PLCB4: variants seen among roughly 807,000 people sequenced by gnomAD.
The protein encoded by PLCB4 is 1-phosphatidylinositol 4,5-bisphosphate phosphodiesterase beta-4.
A neutral mutation model predicts 178.8 loss-of-function variants in PLCB4; 77 were observed. The ratio of observed to expected loss-of-function variants is 0.43; its 90% CI spans 0.36 to 0.52. The LOEUF (loss-of-function observed/expected upper bound fraction) is 0.52. PLCB4 is among the 20% of genes least tolerant of loss of function. The pLI, the probability that PLCB4 is intolerant of heterozygous loss-of-function variation, is 0.00. For synonymous variants in PLCB4, 496 were observed against 490.8 expected (o/e 1.01, Z -0.14); for missense variants, 1,024 against 1,453.4 (o/e 0.70, Z 4.80).
chr20:9,375,154 C>A (rs2036565801), intron 12 of PLCB4, among the ~76,000 whole-genome samples: 1 of 152,132 alleles, frequency 6.6e-6, no homozygotes, highest in African/African-American at 2.4e-5. Flanking sequence ...TAGACAAAAA[C>A]ATGAATGTCG....
At chr20:9,103,102 G>C (rs1004963927) in intron 2 of PLCB4, among the ~76,000 whole-genome samples, 1 of 148,656 alleles carries the variant, frequency 6.7e-6, no homozygotes, top group African/African-American at 2.5e-5. Flanking sequence ...TCGGCTCACT[G>C]CAAGCTCCAC....
At chr20:9,397,408 T>C (rs1417415193) in intron 19 of PLCB4, among the ~76,000 whole-genome samples, 2 of 152,198 alleles carry the variant, frequency 1.3e-5, no homozygotes, top group Non-Finnish European at 2.9e-5. Context: ...TCTCCCAAAC[T>C]CCTATGAACG....
At chr20:9,249,405 T>C (rs2094157108) in intron 3 of PLCB4, among the ~76,000 whole-genome samples, 1 of 152,156 alleles carries the variant, frequency 6.6e-6, no homozygotes, top group Admixed American at 6.5e-5. Flanking sequence ...ACTCCTGGGC[T>C]CAAGGGATCT....
intron 4 of PLCB4, among the ~76,000 whole-genome samples, chr20:9,314,305 G>A (rs1337476943): frequency 6.6e-6 from 1 of 152,214 alleles, no homozygotes; most frequent in Non-Finnish European, 1.5e-5. Context: ...AGTGGATGTG[G>A]CTGGATTCCT....
At chr20:9,089,058 A>G (rs2090563430) in intron 1 of PLCB4, among the ~76,000 whole-genome samples, 1 of 151,992 alleles carries the variant, frequency 6.6e-6, no homozygotes, top group Non-Finnish European at 1.5e-5. Flanking sequence ...AACAAGAAAC[A>G]GGTAATTTCC....
intron 28 of PLCB4, among the ~76,000 whole-genome samples, chr20:9,430,859 C>T (rs1331153377): frequency 6.6e-6 from 1 of 152,128 alleles, no homozygotes; most frequent in Non-Finnish European, 1.5e-5. Context: ...GCTGCTGGAC[C>T]CTCCATAGTC....
intron 35 of PLCB4, among the ~76,000 whole-genome samples, chr20:9,464,127 A>T (rs550544436): frequency 6.6e-6 from 1 of 152,196 alleles, no homozygotes; most frequent in Admixed American, 6.5e-5. Flanking sequence ...TAAGAAACTC[A>T]CTCAAAACTG....
chr20:9,355,926 G>T (rs1455588024), intron 7 of PLCB4, among the ~76,000 whole-genome samples: 1 of 152,194 alleles, frequency 6.6e-6, no homozygotes, highest in Non-Finnish European at 1.5e-5. Flanking sequence ...GTGCAAAAGT[G>T]TTCCCACCCC....
intron 2 of PLCB4, among the ~76,000 whole-genome samples, chr20:9,194,838 T>G (rs1358340736): frequency 6.6e-6 from 1 of 152,174 alleles, no homozygotes; most frequent in African/African-American, 2.4e-5. Flanking sequence ...GGCTTGCTAA[T>G]TATGAGAAGA....
At chr20:9,467,429 A>C (rs894580351) in intron 35 of PLCB4, among the ~76,000 whole-genome samples, 2 of 150,074 alleles carry the variant, frequency 1.3e-5, no homozygotes, top group Non-Finnish European at 3.0e-5. Flanking sequence ...AAGTATAATA[A>C]AAAATAAATA....
chr20:9,441,098 G>C (rs1447806771), intron 30 of PLCB4, among the ~76,000 whole-genome samples: 1 of 152,190 alleles, frequency 6.6e-6, no homozygotes, highest in East Asian at 1.9e-4. Flanking sequence ...CATGCATATT[G>C]AATCACTGTG....
Position 9,462,991 on chromosome 20 carries a change from G to GA in PLCB4, c.3248+3187dup, listed in dbSNP as rs1292964398. On this transcript the variant is annotated intron_variant, in intron 35 of 39. Transcript: ENST00000378473. ...CAGATTCACCAAGGTTGAAATGATG[G>GA]AAAAAATGTTAAGGGCAGCCAGAGA... is the stretch of plus-strand genomic sequence containing the variant. Among the ~76,000 whole-genome samples the GA allele has an allele frequency of 4.6e-5, 7 of 152,254 alleles. No individual in the cohort carries two copies. In the South Asian group the frequency reaches 1.0e-3, roughly 23 times the overall value.
At chr20:9,355,267 T>A (rs1602060014) in intron 7 of PLCB4, among the ~76,000 whole-genome samples, 1 of 152,058 alleles carries the variant, frequency 6.6e-6, no homozygotes, top group Non-Finnish European at 1.5e-5. Flanking sequence ...CCATGCTTTT[T>A]AAAATTTTTT....
chr20:9,238,235 C>G (rs1006128675), intron 3 of PLCB4, among the ~76,000 whole-genome samples: 4 of 152,142 alleles, frequency 2.6e-5, no homozygotes, highest in Non-Finnish European at 2.9e-5. Context: ...ACTGTTTTAA[C>G]ATTGAACTCT....
At chr20:9,302,017 G>A (rs1467859380) in intron 3 of PLCB4, among the ~76,000 whole-genome samples, 1 of 152,078 alleles carries the variant, frequency 6.6e-6, no homozygotes, top group Non-Finnish European at 1.5e-5. Context: ...CAAAGAGAAG[G>A]TGGATCCTTT....
chr20:9,243,117 C>T (rs1401881240), intron 3 of PLCB4, among the ~76,000 whole-genome samples: 1 of 152,052 alleles, frequency 6.6e-6, no homozygotes, highest in Non-Finnish European at 1.5e-5. Context: ...ATCTGAGAAC[C>T]AAACATAACC....
chr20:9,273,116 A>T (rs975297401), intron 3 of PLCB4, among the ~76,000 whole-genome samples: 4 of 152,148 alleles, frequency 2.6e-5, no homozygotes, highest in Non-Finnish European at 5.9e-5. Flanking sequence ...TGTTTGACGT[A>T]GGTCAAGTAG....
chr20:9,449,165 G>A (rs1025816265), intron 32 of PLCB4, among the ~76,000 whole-genome samples: 1 of 152,050 alleles, frequency 6.6e-6, no homozygotes, highest in African/African-American at 2.4e-5. Flanking sequence ...CACAGAAAAA[G>A]GAGAATTAAT....
chr20:9,104,133 G>T (rs2091278471), intron 2 of PLCB4, among the ~76,000 whole-genome samples: 1 of 152,164 alleles, frequency 6.6e-6, no homozygotes, highest in Admixed American at 6.5e-5. Flanking sequence ...CTGCATGCCA[G>T]AGGATCCACT....
Sources: gnomAD v4.1 joint callset for allele counts (sites outside exome capture counted in the v4.1 genomes callset) on GRCh38, gnomAD v4.1.1 for gene constraint, MANE v1.5 for transcripts, NCBI Gene and HGNC (gene_info 2026-07-23, HGNC 2026-07-21) for gene names.